NUGGC: variants seen among roughly 807,000 people sequenced by gnomAD.
NUGGC encodes the protein nuclear GTPase SLIP-GC.
Under a neutral mutation model 92.6 loss-of-function variants are expected in NUGGC, and 58 were observed. The observed-to-expected ratio is 0.63, with a 90% CI of 0.51 to 0.78. NUGGC has a LOEUF of 0.78. NUGGC is among the 30% of genes least tolerant of loss of function. NUGGC has a pLI of 0.00. For missense variants in NUGGC, 925 were observed against 964.6 expected, an observed-to-expected ratio of 0.96 and a Z score of 0.54; for synonymous variants, 376 against 366.4, an observed-to-expected ratio of 1.03 and a Z score of -0.30.
At chr8:28,078,590 A>G (rs763215194) in intron 1 of NUGGC, among the ~76,000 whole-genome samples, 2 of 152,192 alleles carry the variant, frequency 1.3e-5, no homozygotes, top group African/African-American at 4.8e-5. Context: ...CAAAGACTGA[A>G]CTAGTCCTTA....
chr8:28,072,246 G>T (rs531992519), intron 2 of NUGGC, among the ~76,000 whole-genome samples: 1 of 152,150 alleles, frequency 6.6e-6, no homozygotes, highest in Non-Finnish European at 1.5e-5. Flanking sequence ...TCAAGAATTC[G>T]CCCTGGCTCG....
At chr8:28,080,501 G>A (rs924339681) in intron 1 of NUGGC, among the ~76,000 whole-genome samples, 2 of 152,032 alleles carry the variant, frequency 1.3e-5, no homozygotes, top group South Asian at 2.1e-4. Flanking sequence ...GCTTAAATTA[G>A]CAAAGTTTCT....
intron 10 of NUGGC, among the ~76,000 whole-genome samples, chr8:28,049,903 T>G (rs1319222680): frequency 6.6e-6 from 1 of 152,064 alleles, no homozygotes; most frequent in Admixed American, 6.6e-5. Context: ...CTAGCCAACA[T>G]GGTGAAACCC....
chr8:28,073,526 A>G (rs1385269137), intron 2 of NUGGC, among the ~76,000 whole-genome samples: 1 of 152,036 alleles, frequency 6.6e-6, no homozygotes, highest in Non-Finnish European at 1.5e-5. Context: ...AGTTCTCAAA[A>G]CACAAAGGAT....
intron 12 of NUGGC, among the ~76,000 whole-genome samples, chr8:28,044,500 C>T (rs945406984): frequency 1.5e-4 from 23 of 152,130 alleles, no homozygotes; most frequent in Middle Eastern, 3.2e-3. Flanking sequence ...ACACTAAAGA[C>T]GGGCTAGCTA....
intron 7 of NUGGC, among the ~76,000 whole-genome samples, chr8:28,063,159 C>G (rs1406076863): frequency 6.6e-6 from 1 of 152,126 alleles, no homozygotes; most frequent in Non-Finnish European, 1.5e-5. Context: ...TGTCGTTCTC[C>G]CTGCAGAGGG....
At chr8:28,031,087 C>A (rs1179483818) in intron 15 of NUGGC, among the ~76,000 whole-genome samples, 156 bp downstream of exon 15, 3 of 152,198 alleles carry the variant, frequency 2.0e-5, no homozygotes, top group Non-Finnish European at 2.9e-5. Flanking sequence ...GTCCCCACAT[C>A]CCACTGGGTT....
chr8:28,060,651 T>A, intron 7 of NUGGC, 50 bp from the exon 8 acceptor site: 1 of 1,551,218 alleles, frequency 6.4e-7, no homozygotes, highest in Non-Finnish European at 8.8e-7. Context: ...GAGTCACAGT[T>A]CCTGAGGACC....
chr8:28,042,064 GAAACCTTATA>G (rs1809713711), intron 12 of NUGGC, among the ~76,000 whole-genome samples: 1 of 152,106 alleles, frequency 6.6e-6, no homozygotes, highest in African/African-American at 2.4e-5. Context: ...TTTATAAGGA[GAAACCTTATA>G]AAACCTTATA....
At chr8:28,050,334 A>G (rs1321381700) in intron 10 of NUGGC, among the ~76,000 whole-genome samples, 2 of 152,026 alleles carry the variant, frequency 1.3e-5, no homozygotes, top group Non-Finnish European at 2.9e-5. Context: ...GTGGTAAGCC[A>G]AGATCGTGCC....
Position 28,031,378 on chromosome 8 carries a change from C to T in NUGGC, c.1773G>A (p.Thr591=), listed in dbSNP as rs749240160. ...TCAGAGCTGAACCAGTGGGCTTCCCCGTCCTACGGAAGAAAGTGACAAAAA... is the reference window on the plus strand; with the variant it reads ...TCAGAGCTGAACCAGTGGGCTTCCCTGTCCTACGGAAGAAAGTGACAAAAA... ...IDPVFGSIFR[T]GKPTGSALMP... Residue 591 remains threonine (T), a synonymous_variant, in exon 15 of 19, where the codon ACG becomes ACA. Coordinates refer to ENST00000413272, the MANE Select transcript of NUGGC (RefSeq NM_001010906.2). The T allele has an allele frequency of 8.7e-6, 14 of 1,613,094 alleles. No individual in the cohort carries two copies. Among genetic ancestry groups the T allele is most frequent in the Middle Eastern group, 1.6e-4 (1 of 6,080 alleles).
chr8:28,048,638 C>T (rs182458869), intron 10 of NUGGC, among the ~76,000 whole-genome samples: 8 of 151,930 alleles, frequency 5.3e-5, no homozygotes, highest in Admixed American at 2.0e-4. Flanking sequence ...CCAAGGCAGG[C>T]GGATCACAAG....
intron 9 of NUGGC, among the ~76,000 whole-genome samples, chr8:28,057,978 G>A (rs938731796): frequency 1.3e-5 from 2 of 152,134 alleles, no homozygotes; most frequent in Non-Finnish European, 2.9e-5. Flanking sequence ...GATCACCTGA[G>A]GTCAGGGGTT....
intron 10 of NUGGC, 70 bp downstream of exon 10, chr8:28,055,895 G>T: frequency 1.2e-6 from 1 of 811,514 alleles, no homozygotes; most frequent in African/African-American, 1.7e-5. Context: ...ACAATACCAG[G>T]CATACATTTG....
At chr8:28,075,349 AG>A (rs76744898) in intron 1 of NUGGC, among the ~76,000 whole-genome samples, 26,913 of 152,018 alleles carry the variant, frequency 0.18, 2,909 homozygotes, top group East Asian at 0.39. Flanking sequence ...CAAAAGAAGA[AG>A]GGGCAGATCC....
intron 13 of NUGGC, 51 bp downstream of exon 13, chr8:28,041,000 A>G (rs910151263): frequency 4.5e-5 from 68 of 1,512,644 alleles, no homozygotes; most frequent in Middle Eastern, 3.4e-4. Flanking sequence ...AAGCTTGGGG[A>G]TCGGGCAGGC....
intron 12 of NUGGC, among the ~76,000 whole-genome samples, chr8:28,042,153 C>T (rs567274945): frequency 6.6e-6 from 1 of 152,266 alleles, no homozygotes; most frequent in South Asian, 2.1e-4. Context: ...GCACATGGAA[C>T]TGTGAGTCCA....
intron 15 of NUGGC, among the ~76,000 whole-genome samples, 199 bp downstream of exon 15, chr8:28,031,044 C>T (rs1809403858): frequency 6.6e-6 from 1 of 152,166 alleles, no homozygotes; most frequent in Non-Finnish European, 1.5e-5. Context: ...CAAAATGTCC[C>T]ACACCTCCTC....
rs528674620 is a variant in NUGGC at position 28,050,476 on chromosome 8, A to G, written c.1207-2864T>C. ...TTATTCAATGGAAGCAGAATCAGAA[A>G]GGATATAGTAAAGTTGGAGTTACAC... On this transcript the variant is annotated intron_variant, in intron 10 of 18. Transcript: ENST00000413272. Among the ~76,000 whole-genome samples the G allele has an allele frequency of 8.5e-5, 13 of 152,308 alleles. 1 individual carries two copies. In the South Asian group the frequency reaches 2.7e-3, roughly 32 times the overall value.
Sources: gnomAD v4.1 joint callset for allele counts (sites outside exome capture counted in the v4.1 genomes callset) on GRCh38, gnomAD v4.1.1 for gene constraint, MANE v1.5 for transcripts, NCBI Gene and HGNC (gene_info 2026-07-23, HGNC 2026-07-21) for gene names.